ALK: variants seen among roughly 807,000 people sequenced by gnomAD.
ALK encodes ALK receptor tyrosine kinase.
ALK carries 74 observed loss-of-function variants against 163.1 expected under a neutral mutation model. The ratio of observed to expected loss-of-function variants is 0.45; its 90% CI spans 0.38 to 0.55. ALK has a LOEUF of 0.55. ALK is among the 20% of genes least tolerant of loss of function. ALK has a pLI of 0.00. For synonymous variants in ALK, 960 were observed against 843.2 expected, an observed-to-expected ratio of 1.14 and a Z score of -2.40; for missense variants, 2,063 against 2,105.3, an observed-to-expected ratio of 0.98 and a Z score of 0.39.
intron 3 of ALK, among the ~76,000 whole-genome samples, chr2:29,594,273 G>C (rs946154152): frequency 6.6e-6 from 1 of 152,024 alleles, no homozygotes; most frequent in Non-Finnish European, 1.5e-5. Context: ...CATGCATATT[G>C]TGTCTGTATG....
intron 3 of ALK, among the ~76,000 whole-genome samples, chr2:29,649,217 TGAGAGAGAGAGA>T (rs141534978): frequency 2.0e-5 from 3 of 147,440 alleles, no homozygotes; most frequent in Non-Finnish European, 4.5e-5. Flanking sequence ...TGTGTGTATG[TGAGAGAGAGAGA>T]GAGAGAGAGA....
intron 4 of ALK, among the ~76,000 whole-genome samples, chr2:29,516,322 T>A (rs368787056): frequency 2.0e-5 from 3 of 152,164 alleles, no homozygotes; most frequent in East Asian, 3.9e-4. Context: ...GAAACATCTC[T>A]CCAGCTTGCA....
At chr2:29,551,763 G>A (rs545242593) in intron 3 of ALK, among the ~76,000 whole-genome samples, 1 of 152,170 alleles carries the variant, frequency 6.6e-6, no homozygotes, top group South Asian at 2.1e-4. Flanking sequence ...TGTAAAATGG[G>A]TAACTCTGGA....
At chr2:29,456,062 TGA>T (rs1670944405) in intron 4 of ALK, among the ~76,000 whole-genome samples, 1 of 152,090 alleles carries the variant, frequency 6.6e-6, no homozygotes, top group African/African-American at 2.4e-5. Flanking sequence ...CAGAAAATAA[TGA>T]GAGTAGTGAG....
In ALK at chr2:29,638,243, G is replaced by A. The variant is rs555998797; in HGVS notation, c.952+56607C>T. Among the ~76,000 whole-genome samples the A allele has an allele frequency of 4.6e-5, 7 of 152,344 alleles. No individual in the cohort carries two copies. The South Asian group carries it at 1.5e-3, about 32-fold the overall frequency. ...ACCTGCAATATAGAAAGGTAATGGT[G>A]TCTACCACACCAAGTTATTGTGAAG... On this transcript the variant is annotated intron_variant, in intron 3 of 28. Transcript: ENST00000389048.
At chr2:29,360,495 G>A (rs1418403664) in intron 5 of ALK, among the ~76,000 whole-genome samples, 2 of 152,164 alleles carry the variant, frequency 1.3e-5, no homozygotes, top group Admixed American at 6.5e-5. Context: ...TCCTGCCCAC[G>A]ATGGATTCTT....
intron 4 of ALK, among the ~76,000 whole-genome samples, chr2:29,402,462 C>T (rs1669471826): frequency 6.6e-6 from 1 of 152,242 alleles, no homozygotes; most frequent in Non-Finnish European, 1.5e-5. Flanking sequence ...GTGGGCGAGT[C>T]ACTCCACTTC....
Position 29,251,186 on chromosome 2 carries a change from G to T in ALK, c.2123C>A (p.Ser708Tyr), listed in dbSNP as rs2148197457. The T allele has an allele frequency of 6.2e-7, 1 of 1,614,168 alleles. No individual in the cohort carries two copies. The highest frequency in any genetic ancestry group is 1.1e-5 in the South Asian group (1 of 91,066). ...QAQCNNAYQNSNLSVEVGSEG... is the reference protein window; with the variant it reads ...QAQCNNAYQNYNLSVEVGSEG... ...GCTCCCCACCTCCACGCTCAGGTTGGAGTTCTGGTAGGCGTTGTTGCACTG... is the reference window on the plus strand; with the variant it reads ...GCTCCCCACCTCCACGCTCAGGTTGTAGTTCTGGTAGGCGTTGTTGCACTG... Residue 708 changes from serine (S) to tyrosine (Y), a missense_variant, in exon 12 of 29, where the codon TCC (serine) becomes TAC (tyrosine). Coordinates refer to ENST00000389048, the MANE Select transcript of ALK (RefSeq NM_004304.5).
intron 4 of ALK, among the ~76,000 whole-genome samples, chr2:29,502,018 G>A (rs940758562): frequency 6.6e-6 from 1 of 152,148 alleles, no homozygotes; most frequent in Non-Finnish European, 1.5e-5. Context: ...CCTTTCCAAG[G>A]TTGAATAATA....
At chr2:29,406,332 T>G (rs1343385110) in intron 4 of ALK, among the ~76,000 whole-genome samples, 2 of 152,106 alleles carry the variant, frequency 1.3e-5, no homozygotes, top group Non-Finnish European at 2.9e-5. Context: ...CTCCCTCACC[T>G]CCTGTTTCCA....
chr2:29,319,391 C>G (rs1440512576), intron 7 of ALK, among the ~76,000 whole-genome samples: 2 of 152,120 alleles, frequency 1.3e-5, no homozygotes, highest in East Asian at 3.9e-4. Flanking sequence ...GGCAGAGTAA[C>G]CAAGAGATCT....
In ALK at chr2:29,227,621, A is replaced by G; in HGVS notation, c.2867T>C (p.Val956Ala). 6.2e-7 allele frequency: 1 copy of G among 1,613,712 alleles called. No homozygotes were observed. The highest frequency in any genetic ancestry group is 8.5e-7 in the Non-Finnish European group (1 of 1,179,966). Reference sequence around the variant, plus strand: ...GATGCCCAGTGGACTGATGAAGGAAACCCCATCTTCCCCATCCATTTCGGG... The same window carrying G: ...GATGCCCAGTGGACTGATGAAGGAAGCCCCATCTTCCCCATCCATTTCGGG... ...NDPEMDGEDG[V>A]SFISPLGILY... The change falls in exon 17 of 29, where the codon GTT (valine) becomes GCT (alanine). Residue 956 changes from valine (V) to alanine (A), a missense_variant. Transcript: ENST00000389048. This position sits in a 1 kb window ranked among gnomAD's most constrained non-coding sequence, Gnocchi z 4.4.
At chr2:29,626,502 C>T (rs1184457610) in intron 3 of ALK, among the ~76,000 whole-genome samples, 32 of 152,212 alleles carry the variant, frequency 2.1e-4, no homozygotes, top group Admixed American at 2.1e-3. Flanking sequence ...CCATGTGGAA[C>T]TGTGAGTCCA....
intron 9 of ALK, among the ~76,000 whole-genome samples, chr2:29,280,147 C>A (rs576637136): frequency 2.6e-5 from 4 of 152,090 alleles, no homozygotes; most frequent in Non-Finnish European, 4.4e-5. Flanking sequence ...AGGTGGCCCA[C>A]TCTGGGACTG....
chr2:29,415,934 C>T (rs1368518100), intron 4 of ALK, among the ~76,000 whole-genome samples: 1 of 152,216 alleles, frequency 6.6e-6, no homozygotes, highest in Non-Finnish European at 1.5e-5. Flanking sequence ...ACTCCCACCC[C>T]TACCCCGGCT....
intron 4 of ALK, among the ~76,000 whole-genome samples, chr2:29,479,706 G>T (rs1055797717): frequency 1.3e-5 from 2 of 152,208 alleles, no homozygotes; most frequent in Non-Finnish European, 2.9e-5. Flanking sequence ...CACACAGGGG[G>T]ACATGGGGCA....
At chr2:29,897,385 A>C (rs1358553832) in intron 1 of ALK, among the ~76,000 whole-genome samples, 1 of 152,134 alleles carries the variant, frequency 6.6e-6, no homozygotes, top group Non-Finnish European at 1.5e-5. Flanking sequence ...AGAAGGAAAA[A>C]GTAAAGAAAA....
At chr2:29,217,202 T>A (rs1669661931) in intron 23 of ALK, among the ~76,000 whole-genome samples, 1 of 148,758 alleles carries the variant, frequency 6.7e-6, no homozygotes, top group African/African-American at 2.4e-5. Context: ...TGGTGTTTTG[T>A]GTGTGTTGCA....
chr2:29,566,952 T>C (rs1674209516), intron 3 of ALK, among the ~76,000 whole-genome samples: 1 of 152,208 alleles, frequency 6.6e-6, no homozygotes, highest in Non-Finnish European at 1.5e-5. Context: ...CATCAAAACA[T>C]TAAATGTAGA....
Sources: gnomAD v4.1 joint callset for allele counts (sites outside exome capture counted in the v4.1 genomes callset) on GRCh38, gnomAD v4.1.1 for gene constraint, Gnocchi (gnomAD v3.1) non-coding constraint, MANE v1.5 for transcripts, NCBI Gene and HGNC (gene_info 2026-07-23, HGNC 2026-07-21) for gene names.